ZNF407: variants seen among roughly 807,000 people sequenced by gnomAD.
ZNF407 encodes the protein zinc finger protein 407.
A neutral mutation model predicts 131.2 loss-of-function variants in ZNF407; 17 were observed. That is an observed-to-expected ratio of 0.13 (90% CI 0.09 to 0.19). ZNF407 has a LOEUF of 0.19. ZNF407 is among the 10% of genes least tolerant of loss of function. The pLI, the probability that ZNF407 is intolerant of heterozygous loss-of-function variation, is 1.00. For synonymous variants in ZNF407, 1,156 were observed against 1,062.0 expected, an observed-to-expected ratio of 1.09 and a Z score of -1.72; for missense variants, 2,681 against 2,830.6, an observed-to-expected ratio of 0.95 and a Z score of 1.20.
In ZNF407 at chr18:74,727,471, G is replaced by T. The variant is rs561002593; in HGVS notation, c.4803-53957G>T. On this transcript the variant is annotated intron_variant, in intron 3 of 8. Coordinates refer to ENST00000299687, the MANE Select transcript of ZNF407 (RefSeq NM_017757.3). ...CGTTTGCGTTGAGTATTAGATAACA[G>T]TAGGTGGTCTCCGGGACACAGCCTG... Among the ~76,000 whole-genome samples, 3 of 152,268 alleles carry T rather than the reference G, an allele frequency of 2.0e-5. No individual in the cohort carries two copies. The South Asian group carries it at 6.2e-4, about 32-fold the overall frequency.
intron 3 of ZNF407, among the ~76,000 whole-genome samples, chr18:74,655,577 T>C (rs1435139039): frequency 6.6e-6 from 1 of 152,182 alleles, no homozygotes; most frequent in Non-Finnish European, 1.5e-5. Flanking sequence ...TAAATGATTC[T>C]GAATTTATTG....
chr18:74,741,078 G>A (rs1255054324), intron 3 of ZNF407, among the ~76,000 whole-genome samples: 2 of 152,172 alleles, frequency 1.3e-5, no homozygotes, highest in East Asian at 1.9e-4. Context: ...GTCAAGTGAT[G>A]TCAAAAGAGT....
intron 4 of ZNF407, among the ~76,000 whole-genome samples, chr18:74,849,237 C>A (rs1195624793): frequency 1.3e-5 from 2 of 151,632 alleles, no homozygotes; most frequent in African/African-American, 2.4e-5. Flanking sequence ...TGCCACAACA[C>A]CCAGATAATT....
chr18:74,607,965 T>C (rs919837364), intron 1 of ZNF407, among the ~76,000 whole-genome samples: 7 of 152,364 alleles, frequency 4.6e-5, no homozygotes, highest in African/African-American at 7.2e-5. Context: ...TTTGTAGTTA[T>C]TGAACATTTT....
At position 75,048,052 on chromosome 18, in the gene ZNF407, G is replaced by C. The variant is rs1389255051; in HGVS notation, c.5429-15098G>C. On this transcript the variant is annotated intron_variant, in intron 8 of 8. Transcript: ENST00000299687. This position sits in a 1 kb window ranked among gnomAD's most constrained non-coding sequence, Gnocchi z 4.1. ...ACAGCCTTATATTGGTTTTTATATA[G>C]AATATGGCACGTGTTGGTATTCATA... 6.6e-6 allele frequency among the ~76,000 whole-genome samples: 1 copy of C among 152,134 alleles called. No individual in the cohort carries two copies. The highest frequency in any genetic ancestry group is 1.5e-5 in the Non-Finnish European group (1 of 68,034).
At chr18:74,642,320 C>T (rs1434523810) in intron 3 of ZNF407, among the ~76,000 whole-genome samples, 1 of 152,030 alleles carries the variant, frequency 6.6e-6, no homozygotes, top group Non-Finnish European at 1.5e-5. Flanking sequence ...CTGCAAGGGT[C>T]AGGTGTCAAA....
chr18:74,869,115 A>AT (rs533046559), intron 4 of ZNF407, among the ~76,000 whole-genome samples: 184 of 152,336 alleles, frequency 1.2e-3, no homozygotes, highest in African/African-American at 4.3e-3. Context: ...ATTGAAATAC[A>AT]TTTTATCTTT....
intron 3 of ZNF407, among the ~76,000 whole-genome samples, chr18:74,666,370 C>T (rs753084397): frequency 5.3e-5 from 8 of 152,124 alleles, no homozygotes; most frequent in African/African-American, 9.7e-5. Context: ...CCTGGGCACT[C>T]TGTGTTCAGG....
At chr18:74,845,212 G>C (rs571908660) in intron 4 of ZNF407, among the ~76,000 whole-genome samples, 1 of 152,328 alleles carries the variant, frequency 6.6e-6, no homozygotes, top group Non-Finnish European at 1.5e-5. Context: ...AGAAAGCACT[G>C]TGATATGTTG....
intron 3 of ZNF407, among the ~76,000 whole-genome samples, chr18:74,736,810 C>T (rs767822949): frequency 3.3e-5 from 5 of 152,100 alleles, no homozygotes; most frequent in Admixed American, 1.3e-4. Context: ...ATTAAATAAA[C>T]GTTCTCATTT....
At chr18:74,998,329 C>A (rs1438103257) in intron 8 of ZNF407, among the ~76,000 whole-genome samples, 3 of 152,136 alleles carry the variant, frequency 2.0e-5, no homozygotes, top group African/African-American at 7.2e-5. Context: ...TTTGCCTAGC[C>A]CCATCCTTCC....
At chr18:74,856,275 C>T (rs1970857664) in intron 4 of ZNF407, among the ~76,000 whole-genome samples, 1 of 152,170 alleles carries the variant, frequency 6.6e-6, no homozygotes, top group Admixed American at 6.5e-5. Context: ...ACCCAGTCAG[C>T]CTTGGCAAAA....
At chr18:74,889,416 AC>A (rs1173392325) in intron 6 of ZNF407, among the ~76,000 whole-genome samples, 1 of 152,156 alleles carries the variant, frequency 6.6e-6, no homozygotes, top group Non-Finnish European at 1.5e-5. Context: ...TCGGCTTAAT[AC>A]AGTATATTTT....
At chr18:74,719,048 A>AT (rs1364343266) in intron 3 of ZNF407, among the ~76,000 whole-genome samples, 2 of 151,998 alleles carry the variant, frequency 1.3e-5, no homozygotes, top group Non-Finnish European at 2.9e-5. Flanking sequence ...CCTTTATTGT[A>AT]TTTTTTAAAT....
chr18:75,012,257 A>G (rs371994899), intron 8 of ZNF407, among the ~76,000 whole-genome samples: 22 of 151,024 alleles, frequency 1.5e-4, no homozygotes, highest in South Asian at 8.4e-4. Flanking sequence ...CCCACCTGCT[A>G]TACACATAGT....
At chr18:74,983,169 A>AT (rs879379497) in intron 8 of ZNF407, among the ~76,000 whole-genome samples, 22 of 150,200 alleles carry the variant, frequency 1.5e-4, no homozygotes, top group Admixed American at 7.3e-4. Context: ...AAACTGCACT[A>AT]TTTTTTTTTT....
chr18:74,949,570 A>G (rs1178374597), intron 8 of ZNF407, among the ~76,000 whole-genome samples: 1 of 152,220 alleles, frequency 6.6e-6, no homozygotes, highest in African/African-American at 2.4e-5. Flanking sequence ...AATCCCTGTT[A>G]GTAAAATATC....
intron 6 of ZNF407, among the ~76,000 whole-genome samples, chr18:74,882,966 C>G (rs1330767090): frequency 6.6e-6 from 1 of 152,242 alleles, no homozygotes; most frequent in African/African-American, 2.4e-5. Flanking sequence ...GAACAACAGA[C>G]TGCTGTGCCA....
At chr18:75,014,737 T>G (rs1016773308) in intron 8 of ZNF407, among the ~76,000 whole-genome samples, 13 of 151,114 alleles carry the variant, frequency 8.6e-5, no homozygotes, top group Non-Finnish European at 4.4e-5. Context: ...TTACGTGTTG[T>G]TTTTTTTATA....
Sources: allele counts gnomAD v4.1 joint callset (sites outside exome capture counted in the v4.1 genomes callset), GRCh38; gene constraint gnomAD v4.1.1; non-coding constraint Gnocchi (gnomAD v3.1); transcripts MANE v1.5; gene names NCBI Gene and HGNC (gene_info 2026-07-23, HGNC 2026-07-21).